CFTR: variants seen among roughly 807,000 people sequenced by gnomAD.
CFTR encodes the protein cystic fibrosis transmembrane conductance regulator.
A neutral mutation model predicts 171.6 loss-of-function variants in CFTR; 181 were observed. The observed-to-expected ratio is 1.05, with a 90% CI of 0.93 to 1.19. The LOEUF is 1.19. Ranked by LOEUF, CFTR falls within the 50% of genes most tolerant of loss-of-function variation. The pLI is 0.00. For synonymous variants in CFTR, 583 were observed against 608.0 expected (o/e 0.96, Z 0.60); for missense variants, 1,968 against 1,734.7 (o/e 1.13, Z -2.39).
chr7:117,576,922 T>C (rs767937957), intron 11 of CFTR, among the ~76,000 whole-genome samples: 4 of 152,278 alleles, frequency 2.6e-5, no homozygotes, highest in South Asian at 2.1e-4. Context: ...AAGCTTGCCC[T>C]GGCTCCCAAA....
intron 11 of CFTR, among the ~76,000 whole-genome samples, chr7:117,587,348 T>G (rs967095168): frequency 1.3e-5 from 2 of 152,128 alleles, no homozygotes; most frequent in Non-Finnish European, 2.9e-5. Flanking sequence ...GGAGATTTCT[T>G]TTGAAAAGAG....
chr7:117,480,146 A>C lies in CFTR; in HGVS notation c.52A>C (p.Ser18Arg). The change falls in exon 1 of 27, where the codon AGC becomes CGC. Residue 18 changes from serine to arginine, a missense_variant and splice_region_variant. Transcript: ENST00000003084. Reference sequence around the variant, plus strand: ...CAGCGTTGTCTCCAAACTTTTTTTCAGGTGAGAAGGTGGCCAACCGAGCTT... The same window carrying C: ...CAGCGTTGTCTCCAAACTTTTTTTCCGGTGAGAAGGTGGCCAACCGAGCTT... ...KASVVSKLFF[S>R]WTRPILRKGY... 1 of 1,613,816 alleles carries C rather than the reference A, an allele frequency of 6.2e-7. No individual in the cohort carries two copies. The highest frequency in any genetic ancestry group is 1.3e-5 in the African/African-American group (1 of 75,002).
intron 18 of CFTR, among the ~76,000 whole-genome samples, chr7:117,607,221 A>T (rs1043598266): frequency 6.6e-6 from 1 of 152,180 alleles, no homozygotes; most frequent in Admixed American, 6.5e-5. Flanking sequence ...AGTAAGGACC[A>T]TAAGGAAGGG....
chr7:117,555,471 C>T (rs1212240626), intron 10 of CFTR, among the ~76,000 whole-genome samples: 2 of 152,142 alleles, frequency 1.3e-5, no homozygotes, highest in African/African-American at 4.8e-5. Context: ...TAATCATCTC[C>T]GTGTGAGCAG....
intron 1 of CFTR, among the ~76,000 whole-genome samples, chr7:117,485,861 C>A (rs1798066162): frequency 6.6e-6 from 1 of 152,094 alleles, no homozygotes; most frequent in African/African-American, 2.4e-5. Context: ...GTATGATATT[C>A]AGACCATTTC....
intron 22 of CFTR, among the ~76,000 whole-genome samples, chr7:117,631,736 C>T (rs1019207949): frequency 1.3e-5 from 2 of 152,112 alleles, no homozygotes; most frequent in Non-Finnish European, 1.5e-5. Flanking sequence ...GAGAGGTATC[C>T]GTTTATAATA....
intron 22 of CFTR, among the ~76,000 whole-genome samples, chr7:117,638,580 AC>A: frequency 6.6e-6 from 1 of 152,094 alleles, no homozygotes; most frequent in South Asian, 2.1e-4. Context: ...TGCAAAAAAT[AC>A]AAAAATTAGC....
chr7:117,533,332 C>T (rs957970868), intron 4 of CFTR, among the ~76,000 whole-genome samples: 5 of 152,090 alleles, frequency 3.3e-5, no homozygotes, highest in Admixed American at 6.6e-5. Context: ...ATTCTAACTC[C>T]TCAAGAAAAT....
At chr7:117,518,688 C>G (rs1025335571) in intron 3 of CFTR, among the ~76,000 whole-genome samples, 13 of 151,328 alleles carry the variant, frequency 8.6e-5, no homozygotes, top group South Asian at 4.2e-4. Flanking sequence ...GCTTTGGACT[C>G]CCGAAGTGCT....
chr7:117,489,647 C>T (rs1798125544), intron 1 of CFTR, among the ~76,000 whole-genome samples: 1 of 151,794 alleles, frequency 6.6e-6, no homozygotes, highest in Non-Finnish European at 1.5e-5. Context: ...TAATGCAGTG[C>T]AGAGATAACC....
At chr7:117,639,451 T>C (rs148081043) in intron 22 of CFTR, among the ~76,000 whole-genome samples, 1 of 152,128 alleles carries the variant, frequency 6.6e-6, no homozygotes, top group Admixed American at 6.5e-5. Flanking sequence ...GGAACTTAAT[T>C]TGGAGTCAGA....
rs1800091 is a variant in CFTR, at chr7:117,559,587, A to C, written c.1516A>C (p.Ile506Leu). Residue 506 changes from isoleucine to leucine, a missense_variant, in exon 11 of 27, where the codon ATC (isoleucine) becomes CTC (leucine). Physicochemically the swap from Ile to Leu is conservative, Grantham distance 5 (BLOSUM62 2). Transcript: ENST00000003084. ...TATGCCTGGCACCATTAAAGAAAAT[A>C]TCATCTTTGGTGTTTCCTATGATGA... is the stretch of plus-strand genomic sequence containing the variant. ...WIMPGTIKEN[I>L]IFGVSYDEYR... 6 of 1,612,486 alleles carry C rather than the reference A, an allele frequency of 3.7e-6. No homozygotes were observed. Among genetic ancestry groups the C allele is most frequent in the Non-Finnish European group, 5.1e-6 (6 of 1,178,706 alleles).
At chr7:117,502,783 C>T (rs144371891) in intron 1 of CFTR, among the ~76,000 whole-genome samples, 296 of 152,306 alleles carry the variant, frequency 1.9e-3, no homozygotes, top group African/African-American at 5.3e-3. Flanking sequence ...ACCTAATTAT[C>T]GCTCTTTGTT....
At chr7:117,561,870 C>T (rs1791503423) in intron 11 of CFTR, among the ~76,000 whole-genome samples, 2 of 152,204 alleles carry the variant, frequency 1.3e-5, no homozygotes, top group South Asian at 4.1e-4. Flanking sequence ...CACAAAGAGG[C>T]ACAAGGCTAA....
chr7:117,610,758 T>C lies in CFTR; in HGVS notation c.3139+89T>C, dbSNP rs151033496. 662 of 1,459,384 alleles carry C rather than the reference T, an allele frequency of 4.5e-4. 7 individuals are homozygous for C. In the African/African-American group the frequency reaches 8.3e-3, roughly 18 times the overall value. 90.4% of individuals were successfully genotyped at this position (1,459,384 alleles called of 1,614,324 possible). A position where few individuals can be genotyped will look rare whatever the true frequency, so the allele number is the denominator to read the frequency against. On this transcript the variant is annotated intron_variant, in intron 19 of 26. Coordinates refer to ENST00000003084, the MANE Select transcript of CFTR (RefSeq NM_000492.4). Reference sequence around the variant, plus strand: ...TATTGTTAATCTACTTAAAAAAAATTCTGCTTTTAAACTTTTACATCATAT... The same window carrying C: ...TATTGTTAATCTACTTAAAAAAAATCCTGCTTTTAAACTTTTACATCATAT...
chr7:117,613,996 A>T (rs1792443555), intron 20 of CFTR, among the ~76,000 whole-genome samples: 1 of 143,466 alleles, frequency 7.0e-6, no homozygotes, highest in African/African-American at 2.7e-5. Context: ...CAGGTACAGT[A>T]ATCTTTTTTT....
chr7:117,587,894 T>A (rs544766462), intron 12 of CFTR, 61 bp downstream of exon 12: 27 of 1,028,404 alleles, frequency 2.6e-5, no homozygotes, highest in Non-Finnish European at 3.8e-5. Flanking sequence ...TGTAAAAAAA[T>A]TACAGACATT....
At position 117,642,487 on chromosome 7, in the gene CFTR, C is replaced by CT. The variant is rs121908789; in HGVS notation, c.3773dup (p.Leu1258PhefsTer7). ...TCAGGGAAGAGTACTTTGTTATCAG[C>CT]TTTTTTGAGACTACTGAACACTGAA... On this transcript the variant is annotated frameshift_variant, in exon 23 of 27. Transcript: ENST00000003084. LOFTEE classifies it high-confidence loss of function. 4.3e-6 allele frequency: 7 copies of CT among 1,613,504 alleles called. No individual in the cohort carries two copies. The highest frequency in any genetic ancestry group is 5.9e-6 in the Non-Finnish European group (7 of 1,179,724).
At chr7:117,596,624 A>C (rs185217314) in intron 15 of CFTR, among the ~76,000 whole-genome samples, 9 of 152,318 alleles carry the variant, frequency 5.9e-5, no homozygotes, top group Non-Finnish European at 1.3e-4. Flanking sequence ...AGGGATTGTA[A>C]ATACACCAAT....
Sources: gnomAD v4.1 joint callset for allele counts (sites outside exome capture counted in the v4.1 genomes callset) on GRCh38, gnomAD v4.1.1 for gene constraint, MANE v1.5 for transcripts, NCBI Gene and HGNC (gene_info 2026-07-23, HGNC 2026-07-21) for gene names.